MYO16: variants seen among roughly 807,000 people sequenced by gnomAD.
MYO16 encodes the protein unconventional myosin-XVI.
MYO16 carries 94 observed loss-of-function variants against 205.3 expected under a neutral mutation model. That is an observed-to-expected ratio of 0.46 (90% CI 0.39 to 0.54). The LOEUF (loss-of-function observed/expected upper bound fraction) is 0.54, where lower values mean the gene tolerates loss of function less well. MYO16 is among the 20% of genes least tolerant of loss of function. The pLI, the probability that MYO16 is intolerant of heterozygous loss-of-function variation, is 0.00. For synonymous variants in MYO16, 988 were observed against 954.0 expected, an observed-to-expected ratio of 1.04 and a Z score of -0.66; for missense variants, 2,315 against 2,387.5, an observed-to-expected ratio of 0.97 and a Z score of 0.63.
intron 4 of MYO16, among the ~76,000 whole-genome samples, chr13:108,773,691 T>C (rs1475951149): frequency 2.0e-5 from 3 of 152,188 alleles, no homozygotes; most frequent in Admixed American, 2.0e-4. Flanking sequence ...TCACAGGTAC[T>C]TGGGGGTAAG....
chr13:108,738,802 T>C (rs1013048425), intron 4 of MYO16, among the ~76,000 whole-genome samples: 8 of 152,336 alleles, frequency 5.3e-5, no homozygotes, highest in African/African-American at 9.6e-5. Context: ...AAGGACTTGC[T>C]TTATGAATCT....
intron 31 of MYO16, among the ~76,000 whole-genome samples, chr13:109,133,242 A>C (rs1469912388): frequency 6.6e-6 from 1 of 152,200 alleles, no homozygotes; most frequent in East Asian, 1.9e-4. Flanking sequence ...TTTTTGTCCT[A>C]GGTCCTGTGC....
chr13:108,847,337 G>A (rs1877574704), intron 10 of MYO16, among the ~76,000 whole-genome samples: 1 of 152,146 alleles, frequency 6.6e-6, no homozygotes, highest in Admixed American at 6.5e-5. Flanking sequence ...TTATGCTCCT[G>A]TGTATTTATG....
chr13:108,900,921 T>C (rs1265706259), intron 15 of MYO16, among the ~76,000 whole-genome samples: 1 of 152,138 alleles, frequency 6.6e-6, no homozygotes, highest in Non-Finnish European at 1.5e-5. Context: ...GGAACATCCC[T>C]GAGAAAGAGA....
chr13:108,754,304 C>T (rs1287809160), intron 4 of MYO16, among the ~76,000 whole-genome samples: 1 of 152,086 alleles, frequency 6.6e-6, no homozygotes, highest in Admixed American at 6.5e-5. Context: ...CTGTAGCATG[C>T]AGGACAAGCT....
chr13:108,876,660 A>G (rs1879340651), intron 12 of MYO16, among the ~76,000 whole-genome samples: 1 of 130,892 alleles, frequency 7.6e-6, no homozygotes, highest in Non-Finnish European at 1.6e-5. Flanking sequence ...TAGTAACTAT[A>G]TTCTCTCTCT....
chr13:108,883,086 G>A lies in MYO16; in HGVS notation c.1453G>A (p.Gly485Arg), dbSNP rs1879696335. The A allele has an allele frequency of 1.9e-6, 3 of 1,613,912 alleles. No individual in the cohort carries two copies. Among genetic ancestry groups the A allele is most frequent in the Non-Finnish European group, 2.5e-6 (3 of 1,179,966 alleles). ...MVSQLYFSSSGKLCSSLPPHL... is the reference protein window; with the variant it reads ...MVSQLYFSSSRKLCSSLPPHL... ...GTCCCAGCTGTATTTCAGCTCCTCA[G>A]GGAAGCTGTGTTCCTCGCTGCCTCC... The change falls in exon 13 of 35, where the codon GGG becomes AGG. Residue 485 changes from glycine (G) to arginine (R), a missense_variant. Physicochemically the swap from Gly to Arg is moderately radical, Grantham distance 125. This residue lies in a region of MYO16 where 1,213 missense variants were observed against 1,274.4 expected (regional missense o/e 0.95). Coordinates refer to ENST00000457511, the MANE Select transcript of MYO16 (RefSeq NM_001198950.3).
At chr13:108,545,800 A>G in the MYO16 span, among the ~76,000 whole-genome samples, 1 of 152,206 alleles carries the variant, frequency 6.6e-6, no homozygotes, top group Non-Finnish European at 1.5e-5. Context: ...TTTGGTAGCA[A>G]TGAAGACCTT....
At chr13:108,912,781 T>C (rs1881323814) in intron 16 of MYO16, among the ~76,000 whole-genome samples, 1 of 151,922 alleles carries the variant, frequency 6.6e-6, no homozygotes, top group African/African-American at 2.4e-5. Flanking sequence ...GAGCAACAGC[T>C]CAAAGCCTCA....
intron 30 of MYO16, among the ~76,000 whole-genome samples, chr13:109,126,719 C>A (rs565967985): frequency 2.1e-4 from 32 of 152,178 alleles, no homozygotes; most frequent in East Asian, 1.4e-3. Flanking sequence ...AATAGCTCTG[C>A]ACATAATTAA....
chr13:109,022,291 A>AATATACAAATATATATTTATATATT lies in MYO16; in HGVS notation c.2796+2422_2796+2446dup, dbSNP rs66535413. Among the ~76,000 whole-genome samples, 14 of 108,272 alleles carry AATATACAAATATATATTTATATATT rather than the reference A, an allele frequency of 1.3e-4. 1 individual carries two copies. The highest frequency in any genetic ancestry group is 5.7e-4 in the African/African-American group (14 of 24,720). 71.0% of individuals were successfully genotyped at this position (108,272 alleles called of 152,430 possible). ...TATACATATTTATATATACAAATAT[A>AATATACAAATATATATTTATATATT]ATATACAAATATATATTTATATATT... On this transcript the variant is annotated intron_variant, in intron 23 of 34. Transcript: ENST00000457511.
the MYO16 span, among the ~76,000 whole-genome samples, chr13:108,528,375 C>T: frequency 2.6e-5 from 4 of 152,072 alleles, no homozygotes; most frequent in South Asian, 4.1e-4. Context: ...GGATGACAAA[C>T]GTTAGGTCTG....
intron 1 of MYO16, among the ~76,000 whole-genome samples, chr13:108,636,363 T>TG (rs1172973165): frequency 0.016 from 1,257 of 76,708 alleles, 2 homozygotes; most frequent in Non-Finnish European, 0.025. Flanking sequence ...TTTTTTTTTT[T>TG]TTTTTTTGTG....
Position 108,857,299 on chromosome 13 carries a change from G to C in MYO16, c.1359+1746G>C, listed in dbSNP as rs78722332. ...GGTAGTTTGTTAACATCTGGTTCCT[G>C]GGCTGCTCAAAAGCCAAACACCAGA... On this transcript the variant is annotated intron_variant, in intron 11 of 34. Transcript: ENST00000457511. 7.1e-3 allele frequency among the ~76,000 whole-genome samples: 1,088 copies of C among 152,294 alleles called. 17 individuals are homozygous for C. Among genetic ancestry groups the C allele is most frequent in the African/African-American group, 0.025 (1,029 of 41,552 alleles).
At chr13:108,786,483 A>T (rs990109776) in intron 5 of MYO16, among the ~76,000 whole-genome samples, 1 of 152,214 alleles carries the variant, frequency 6.6e-6, no homozygotes, top group Admixed American at 6.5e-5. Flanking sequence ...TCCCTTCAAA[A>T]TGACCCTTGG....
intron 27 of MYO16, among the ~76,000 whole-genome samples, chr13:109,091,007 C>A (rs925095666): frequency 1.3e-5 from 2 of 152,134 alleles, no homozygotes; most frequent in East Asian, 1.9e-4. Flanking sequence ...TATGTTCAAC[C>A]CACCATGCAG....
the MYO16 span, among the ~76,000 whole-genome samples, chr13:108,557,944 CAT>C: frequency 6.6e-6 from 1 of 152,028 alleles, no homozygotes; most frequent in African/African-American, 2.4e-5. Context: ...CACACATACA[CAT>C]ATATGTTATC....
At chr13:108,875,852 C>A (rs1039475875) in intron 12 of MYO16, among the ~76,000 whole-genome samples, 1 of 152,042 alleles carries the variant, frequency 6.6e-6, no homozygotes, top group Admixed American at 6.5e-5. Flanking sequence ...CCAGCCTGGG[C>A]AGCTGAGCGA....
intron 32 of MYO16, among the ~76,000 whole-genome samples, chr13:109,145,470 A>G (rs1214321160): frequency 6.6e-6 from 1 of 152,236 alleles, no homozygotes; most frequent in Non-Finnish European, 1.5e-5. Context: ...TAAACTCAAG[A>G]ATGCCAAATG....
Sources: gnomAD v4.1 joint callset for allele counts (sites outside exome capture counted in the v4.1 genomes callset) on GRCh38, gnomAD v4.1.1 for gene constraint, gnomAD v4.1.1 regional missense constraint, MANE v1.5 for transcripts, NCBI Gene and HGNC (gene_info 2026-07-23, HGNC 2026-07-21) for gene names.